The following CNTNAP2 variants were observed in gnomAD, a reference collection of about 807,000 sequenced individuals.
CNTNAP2 encodes the protein contactin associated protein 2.
CNTNAP2 carries 98 observed loss-of-function variants against 155.2 expected under a neutral mutation model. The observed-to-expected ratio is 0.63, with a 90% CI of 0.54 to 0.75. The LOEUF (loss-of-function observed/expected upper bound fraction) is 0.75. Among genes scored for constraint, CNTNAP2 ranks in the 30% least tolerant of loss-of-function variants. The probability of loss-of-function intolerance (pLI) is 0.00; values close to 1 mark genes in which losing one functional copy is unlikely to be tolerated. For synonymous variants in CNTNAP2, 651 were observed against 631.2 expected (o/e 1.03, Z -0.47); for missense variants, 1,727 against 1,688.1 (o/e 1.02, Z -0.40).
At chr7:146,326,966 A>C (rs887712282) in intron 1 of CNTNAP2, among the ~76,000 whole-genome samples, 1 of 152,168 alleles carries the variant, frequency 6.6e-6, no homozygotes, top group Non-Finnish European at 1.5e-5. Flanking sequence ...ATATATTTTT[A>C]TTCCCCCAGA....
chr7:147,661,681 T>G (rs1402223811), intron 13 of CNTNAP2, among the ~76,000 whole-genome samples: 2 of 151,926 alleles, frequency 1.3e-5, no homozygotes, highest in African/African-American at 4.8e-5. Context: ...GCCTCCTAAG[T>G]AGCTGGGATT....
At chr7:146,338,097 G>T (rs965968268) in intron 1 of CNTNAP2, among the ~76,000 whole-genome samples, 1 of 152,128 alleles carries the variant, frequency 6.6e-6, no homozygotes, top group Non-Finnish European at 1.5e-5. Context: ...GGGGACAAAT[G>T]GATATACAGA....
At chr7:146,901,963 C>T (rs1205761591) in intron 3 of CNTNAP2, among the ~76,000 whole-genome samples, 5 of 150,532 alleles carry the variant, frequency 3.3e-5, no homozygotes, top group African/African-American at 1.2e-4. Context: ...GCAAGCTCCG[C>T]CTCCCGGGTT....
intron 4 of CNTNAP2, among the ~76,000 whole-genome samples, chr7:147,077,794 G>A (rs550712281): frequency 5.9e-5 from 9 of 152,084 alleles, no homozygotes; most frequent in Non-Finnish European, 1.2e-4. Context: ...GTGATTATGA[G>A]GATTGCATCA....
rs536192032 is a variant in CNTNAP2, at chr7:148,365,749, T to C, written c.3476-17900T>C. ...GTATATATGTATGTGTATACATGTATACATGTATGTGTATACGTGTATACA... is the reference window on the plus strand; with the variant it reads ...GTATATATGTATGTGTATACATGTACACATGTATGTGTATACGTGTATACA... On this transcript the variant is annotated intron_variant, in intron 21 of 23. Transcript: ENST00000361727. Among the ~76,000 whole-genome samples the C allele has an allele frequency of 2.4e-3, 281 of 116,938 alleles. 60 individuals are homozygous for C. Among genetic ancestry groups the C allele is most frequent in the African/African-American group, 8.7e-3 (273 of 31,280 alleles). The allele number at this position is 116,938 out of a possible 152,430, so 76.7% of individuals were successfully genotyped here.
chr7:146,685,690 T>C (rs1800585135), intron 1 of CNTNAP2, among the ~76,000 whole-genome samples: 1 of 151,846 alleles, frequency 6.6e-6, no homozygotes. Flanking sequence ...TGTCCTGAGG[T>C]GCAAAAGATG....
chr7:147,530,926 T>G (rs1262794980), intron 11 of CNTNAP2, among the ~76,000 whole-genome samples: 1 of 152,170 alleles, frequency 6.6e-6, no homozygotes, highest in Non-Finnish European at 1.5e-5. Flanking sequence ...ATTACAGGTT[T>G]TGGACAAATA....
At chr7:146,224,083 C>T (rs1799251585) in intron 1 of CNTNAP2, among the ~76,000 whole-genome samples, 1 of 152,146 alleles carries the variant, frequency 6.6e-6, no homozygotes, top group Non-Finnish European at 1.5e-5. Flanking sequence ...TATATGGAGT[C>T]TCCACTTTTT....
chr7:146,665,321 T>C lies in CNTNAP2; in HGVS notation c.98-108950T>C, dbSNP rs559041624. 2.0e-5 allele frequency among the ~76,000 whole-genome samples: 3 copies of C among 152,340 alleles called. No individual in the cohort carries two copies. In the South Asian group the frequency reaches 6.2e-4, roughly 32 times the overall value. ...TAATCTGGATAACGATTTATTACTATTATTGATTGTTACAAAGAATCAGCT... is the reference window on the plus strand; with the variant it reads ...TAATCTGGATAACGATTTATTACTACTATTGATTGTTACAAAGAATCAGCT... On this transcript the variant is annotated intron_variant, in intron 1 of 23. Coordinates refer to ENST00000361727, the MANE Select transcript of CNTNAP2 (RefSeq NM_014141.6).
intron 1 of CNTNAP2, among the ~76,000 whole-genome samples, chr7:146,358,374 T>C (rs1795035229): frequency 6.6e-6 from 1 of 152,160 alleles, no homozygotes; most frequent in South Asian, 2.1e-4. Flanking sequence ...CAGATATAGA[T>C]ATAAAGTAAA....
At chr7:147,689,144 A>T (rs1796054890) in intron 13 of CNTNAP2, among the ~76,000 whole-genome samples, 1 of 146,112 alleles carries the variant, frequency 6.8e-6, no homozygotes, top group African/African-American at 2.5e-5. Context: ...AGTATTCATA[A>T]TTACTACTTT....
chr7:147,013,105 T>C (rs965427734), intron 3 of CNTNAP2, among the ~76,000 whole-genome samples: 3 of 152,208 alleles, frequency 2.0e-5, no homozygotes, highest in Admixed American at 2.0e-4. Context: ...AATAATAGTT[T>C]ATTAAATATT....
intron 1 of CNTNAP2, among the ~76,000 whole-genome samples, chr7:146,326,330 T>C (rs1201617983): frequency 1.3e-5 from 2 of 152,226 alleles, no homozygotes; most frequent in African/African-American, 4.8e-5. Flanking sequence ...GTTTGTTTTC[T>C]CAAAGTCTTC....
intron 1 of CNTNAP2, among the ~76,000 whole-genome samples, chr7:146,721,800 AC>A (rs1241243332): frequency 3.6e-5 from 4 of 112,536 alleles, no homozygotes; most frequent in Non-Finnish European, 5.1e-5. Flanking sequence ...ACATATATAG[AC>A]TATATATAGT....
intron 3 of CNTNAP2, among the ~76,000 whole-genome samples, chr7:146,981,762 G>A (rs1204163828): frequency 6.6e-6 from 1 of 152,076 alleles, no homozygotes; most frequent in Non-Finnish European, 1.5e-5. Context: ...GGTATGTCTA[G>A]AAAAGGCTTA....
intron 13 of CNTNAP2, among the ~76,000 whole-genome samples, chr7:147,799,313 G>A (rs553173391): frequency 6.6e-6 from 1 of 152,058 alleles, no homozygotes; most frequent in Non-Finnish European, 1.5e-5. Flanking sequence ...AGAGGGGAAA[G>A]CACACTAGTT....
chr7:146,224,646 G>A (rs1246027196), intron 1 of CNTNAP2, among the ~76,000 whole-genome samples: 1 of 151,858 alleles, frequency 6.6e-6, no homozygotes, highest in Non-Finnish European at 1.5e-5. Context: ...GTGGGCGCCT[G>A]TAGTCCCAGC....
rs913645513 is a variant in CNTNAP2, at chr7:146,688,510, G to A, written c.98-85761G>A. On this transcript the variant is annotated intron_variant, in intron 1 of 23. Transcript: ENST00000361727. Reference sequence around the variant, plus strand: ...GTAGAAAATTATTACAGTTAAAGGGGGTTGTTCTCTTGTGGGCAGGGGCAG... The same window carrying A: ...GTAGAAAATTATTACAGTTAAAGGGAGTTGTTCTCTTGTGGGCAGGGGCAG... Among the ~76,000 whole-genome samples, 4 of 152,152 alleles carry A rather than the reference G, an allele frequency of 2.6e-5. No homozygotes were observed. In the East Asian group the frequency reaches 7.7e-4, roughly 29 times the overall value.
chr7:146,628,687 T>G (rs116480327), intron 1 of CNTNAP2, among the ~76,000 whole-genome samples: 1 of 152,092 alleles, frequency 6.6e-6, no homozygotes. Context: ...AGTAGAACTT[T>G]CCTGTTACAT....
Sources: gnomAD v4.1 joint callset for allele counts (sites outside exome capture counted in the v4.1 genomes callset) on GRCh38, gnomAD v4.1.1 for gene constraint, MANE v1.5 for transcripts, NCBI Gene and HGNC (gene_info 2026-07-23, HGNC 2026-07-21) for gene names.